DLG2: variants seen among roughly 807,000 people sequenced by gnomAD.
The protein encoded by DLG2 is disks large homolog 2.
Under a neutral mutation model 132.5 loss-of-function variants are expected in DLG2, and 45 were observed. That is an observed-to-expected ratio of 0.34 (90% CI 0.27 to 0.44). The LOEUF is 0.44. Ranked by LOEUF, DLG2 falls within the 20% of genes least tolerant of loss-of-function variation. The pLI is 1.00. For missense variants in DLG2, 1,045 were observed against 1,196.9 expected (o/e 0.87, Z 1.87); for synonymous variants, 424 against 419.6 (o/e 1.01, Z -0.13).
At chr11:83,947,799 C>T (rs1464932612) in intron 14 of DLG2, among the ~76,000 whole-genome samples, 1 of 152,202 alleles carries the variant, frequency 6.6e-6, no homozygotes, top group Non-Finnish European at 1.5e-5. Context: ...TTGAGTCTAA[C>T]ATCTGTTCTC....
chr11:84,001,116 AG>A (rs1228876786), intron 11 of DLG2, among the ~76,000 whole-genome samples: 3 of 152,126 alleles, frequency 2.0e-5, no homozygotes, highest in Admixed American at 2.0e-4. Context: ...GAATGTAAAC[AG>A]ATTAAATTCT....
At chr11:84,526,669 A>G (rs1350207629) in intron 7 of DLG2, among the ~76,000 whole-genome samples, 3 of 152,102 alleles carry the variant, frequency 2.0e-5, no homozygotes, top group Admixed American at 6.6e-5. Flanking sequence ...TACTGAGCCT[A>G]ATTTATAAAT....
chr11:84,777,458 G>C (rs2070870583), intron 6 of DLG2, among the ~76,000 whole-genome samples: 1 of 151,210 alleles, frequency 6.6e-6, no homozygotes, highest in African/African-American at 2.4e-5. Flanking sequence ...CCTCTGAGCA[G>C]ATAGCTTAGA....
At chr11:85,258,696 G>A (rs763871860) in intron 4 of DLG2, among the ~76,000 whole-genome samples, 12 of 152,102 alleles carry the variant, frequency 7.9e-5, no homozygotes, top group African/African-American at 1.2e-4. Flanking sequence ...TCTACAATAC[G>A]CAGTTATGTT....
intron 6 of DLG2, among the ~76,000 whole-genome samples, chr11:84,848,017 T>G (rs376432619): frequency 6.6e-6 from 1 of 152,062 alleles, no homozygotes; most frequent in African/African-American, 2.4e-5. Flanking sequence ...ACTGTAAACA[T>G]TGGTCATTTT....
At chr11:84,446,881 T>C (rs1435258597) in intron 7 of DLG2, among the ~76,000 whole-genome samples, 3 of 152,222 alleles carry the variant, frequency 2.0e-5, no homozygotes, top group East Asian at 1.9e-4. Flanking sequence ...TGGGATACCA[T>C]AGTCAGTTCA....
chr11:83,906,251 TCTCTCTCACACACACACACACACA>T (rs2074845973), intron 15 of DLG2, among the ~76,000 whole-genome samples: 2 of 97,444 alleles, frequency 2.1e-5, no homozygotes, highest in African/African-American at 8.1e-5. Context: ...TCTCTCTCTC[TCTCTCTCACACACACACACACACA>T]CACACACACA....
At chr11:85,088,356 T>C (rs2068263135) in intron 6 of DLG2, among the ~76,000 whole-genome samples, 1 of 152,230 alleles carries the variant, frequency 6.6e-6, no homozygotes, top group Non-Finnish European at 1.5e-5. Context: ...ATTTTTATTT[T>C]AAGAGCCTCT....
At chr11:83,467,750 C>CA (rs1224282688) in intron 25 of DLG2, among the ~76,000 whole-genome samples, 1 of 104,438 alleles carries the variant, frequency 9.6e-6, no homozygotes, top group Admixed American at 1.1e-4. Context: ...AATGCCATCT[C>CA]AAAAAAAATA....
chr11:85,392,307 C>G (rs1196021345), intron 3 of DLG2, among the ~76,000 whole-genome samples: 1 of 151,728 alleles, frequency 6.6e-6, no homozygotes, highest in Non-Finnish European at 1.5e-5. Context: ...CAAATGGAAA[C>G]ATATCCCATG....
chr11:84,957,497 G>A (rs2051868479), intron 6 of DLG2, among the ~76,000 whole-genome samples: 1 of 152,176 alleles, frequency 6.6e-6, no homozygotes, highest in African/African-American at 2.4e-5. Context: ...TACTCTGAGT[G>A]TATTCTCTCT....
chr11:84,698,324 T>C lies in DLG2; in HGVS notation c.358-163593A>G, dbSNP rs768512347. Among the ~76,000 whole-genome samples, 5 of 151,544 alleles carry C rather than the reference T, an allele frequency of 3.3e-5. 1 individual carries two copies. In the East Asian group the frequency reaches 9.7e-4, roughly 29 times the overall value. On this transcript the variant is annotated intron_variant, in intron 6 of 27. Coordinates refer to ENST00000376104, the MANE Select transcript of DLG2 (RefSeq NM_001142699.3). ...TTCAGACTGCCTGTGAACATTGAGCTAGGTACTTTACAAGTATTAGTTCAT... is the reference window on the plus strand; with the variant it reads ...TTCAGACTGCCTGTGAACATTGAGCCAGGTACTTTACAAGTATTAGTTCAT...
chr11:84,552,776 A>G (rs1227806612), intron 6 of DLG2, among the ~76,000 whole-genome samples: 1 of 151,998 alleles, frequency 6.6e-6, no homozygotes. Context: ...TTATCTATAT[A>G]CTCTCCATCA....
intron 15 of DLG2, among the ~76,000 whole-genome samples, chr11:83,914,131 G>C (rs1346619594): frequency 6.6e-6 from 1 of 152,150 alleles, no homozygotes; most frequent in Non-Finnish European, 1.5e-5. Flanking sequence ...CAGTGTTGGA[G>C]GTGGGGCCTG....
chr11:85,447,630 T>C (rs150648357), intron 3 of DLG2, among the ~76,000 whole-genome samples: 28 of 152,266 alleles, frequency 1.8e-4, no homozygotes, highest in African/African-American at 6.3e-4. Context: ...CTTTAAACAA[T>C]TGAATTTGTG....
At chr11:85,088,978 A>C (rs9634004) in intron 6 of DLG2, among the ~76,000 whole-genome samples, 36,905 of 152,144 alleles carry the variant, frequency 0.24, 4,734 homozygotes, top group Middle Eastern at 0.29. Context: ...AATATAGTAG[A>C]CAATCACAAG....
At chr11:83,709,287 G>A (rs925579402) in intron 18 of DLG2, among the ~76,000 whole-genome samples, 3 of 146,856 alleles carry the variant, frequency 2.0e-5, no homozygotes, top group Admixed American at 6.9e-5. Flanking sequence ...ATACATATAT[G>A]TACATATATA....
At chr11:84,003,118 A>C (rs1800529154) in intron 11 of DLG2, among the ~76,000 whole-genome samples, 1 of 152,158 alleles carries the variant, frequency 6.6e-6, no homozygotes, top group African/African-American at 2.4e-5. Context: ...CTCTTTGCTA[A>C]AGCATAGCAA....
intron 3 of DLG2, among the ~76,000 whole-genome samples, chr11:85,415,334 C>G (rs1193217054): frequency 6.6e-6 from 1 of 152,118 alleles, no homozygotes; most frequent in East Asian, 1.9e-4. Context: ...GTGCATGTGT[C>G]TTTATAGTAG....
Sources: gnomAD v4.1 joint callset for allele counts (sites outside exome capture counted in the v4.1 genomes callset) on GRCh38, gnomAD v4.1.1 for gene constraint, MANE v1.5 for transcripts, NCBI Gene and HGNC (gene_info 2026-07-23, HGNC 2026-07-21) for gene names.